Variants in TMEM214 observed in about 807,000 individuals in gnomAD.
The protein encoded by TMEM214 is transmembrane protein 214.
A neutral mutation model predicts 89.8 loss-of-function variants in TMEM214; 71 were observed. The ratio of observed to expected loss-of-function variants is 0.79; its 90% CI spans 0.65 to 0.96. The LOEUF (loss-of-function observed/expected upper bound fraction) is 0.96, where lower values mean the gene tolerates loss of function less well. TMEM214 is among the 40% of genes least tolerant of loss of function. The probability of loss-of-function intolerance (pLI) is 0.00; values close to 1 mark genes in which losing one functional copy is unlikely to be tolerated. For missense variants in TMEM214, 754 were observed against 843.4 expected (o/e 0.89, Z 1.31); for synonymous variants, 332 against 349.5 (o/e 0.95, Z 0.56).
Position 27,040,939 on chromosome 2 carries a change from C to A in TMEM214, c.*102C>A. 6.8e-7 allele frequency: 1 copy of A among 1,477,628 alleles called. No individual in the cohort carries two copies. The highest frequency in any genetic ancestry group is 1.3e-5 in the South Asian group (1 of 79,604). 91.5% of individuals were successfully genotyped at this position (1,477,628 alleles called of 1,614,324 possible). On this transcript the variant is annotated 3_prime_UTR_variant, in exon 17 of 17. Transcript: ENST00000238788. ...CATGGGAGTCTTTTTAACTTGGTGC[C>A]TGAGTTCTCTCCTAGGCAAGTGGCC...
Position 27,038,151 on chromosome 2 carries a change from G to A in TMEM214, c.1158G>A (p.Leu386=). The A allele has an allele frequency of 6.2e-7, 1 of 1,614,132 alleles. No individual in the cohort carries two copies. The highest frequency in any genetic ancestry group is 8.5e-7 in the Non-Finnish European group (1 of 1,180,026). ...SCPPEMKKEL[L]SSLTECLTVD... ...CCCTCTGTCGTGCTGTGCAGCTCCT[G>A]AGCAGCCTGACTGAGTGCCTGACGG... The change falls in exon 10 of 17, where the codon CTG becomes CTA. Residue 386 remains leucine, a synonymous_variant. Transcript: ENST00000238788. This position sits in a 1 kb window ranked among gnomAD's most constrained non-coding sequence, Gnocchi z 4.4.
chr2:27,035,949 T>C, intron 4 of TMEM214, 21 bp from the exon 5 acceptor site: 1 of 1,612,314 alleles, frequency 6.2e-7, no homozygotes, highest in East Asian at 2.2e-5. Context: ...TGAGTAGGTG[T>C]GAGAATGTGT....
Position 27,038,199 on chromosome 2 carries a change from C to T in TMEM214, c.1206C>T (p.Val402=). ...CLTVDPLSAS[V]WRQLYPKHLS... ...CGGTGGACCCCCTCAGTGCCAGCGTCTGGAGGCAGCTGTACCCTAAGCACC... is the reference window on the plus strand; with the variant it reads ...CGGTGGACCCCCTCAGTGCCAGCGTTTGGAGGCAGCTGTACCCTAAGCACC... The change falls in exon 10 of 17, where the codon GTC becomes GTT. Residue 402 remains valine, a synonymous_variant. Coordinates refer to ENST00000238788, the MANE Select transcript of TMEM214 (RefSeq NM_017727.5). This position sits in a 1 kb window ranked among gnomAD's most constrained non-coding sequence, Gnocchi z 4.4. The T allele has an allele frequency of 6.2e-7, 1 of 1,614,216 alleles. No homozygotes were observed. The highest frequency in any genetic ancestry group is 1.3e-5 in the African/African-American group (1 of 75,066).
Position 27,040,927 on chromosome 2 carries a change from T to G in TMEM214, c.*90T>G. 6.5e-7 allele frequency: 1 copy of G among 1,528,482 alleles called. No individual in the cohort carries two copies. Among genetic ancestry groups the G allele is most frequent in the Non-Finnish European group, 8.9e-7 (1 of 1,124,942 alleles). 94.7% of individuals were successfully genotyped at this position (1,528,482 alleles called of 1,614,324 possible). ...GTGGCAGTTCTTCATGGGAGTCTTT[T>G]TAACTTGGTGCCTGAGTTCTCTCCT... On this transcript the variant is annotated 3_prime_UTR_variant, in exon 17 of 17. Transcript: ENST00000238788.
At chr2:27,036,369 C>A in intron 5 of TMEM214, 118 bp from the exon 6 acceptor site, 2 of 892,792 alleles carry the variant, frequency 2.2e-6, no homozygotes, top group Admixed American at 1.8e-5. Context: ...CATAGTGCTC[C>A]ACTCTTGCTC....
intron 2 of TMEM214, chr2:27,034,555 A>T: frequency 2.7e-6 from 1 of 364,898 alleles, no homozygotes; most frequent in Non-Finnish European, 5.0e-6. Flanking sequence ...TCTCTGTCCT[A>T]TGGAAATACT....
chr2:27,040,238 C>T, intron 15 of TMEM214, 40 bp downstream of exon 15: 5 of 1,605,302 alleles, frequency 3.1e-6, no homozygotes, highest in Non-Finnish European at 4.2e-6. Flanking sequence ...GGCTGGTTTT[C>T]CCAGGAGCAG....
Position 27,037,153 on chromosome 2 carries a change from A to T in TMEM214, c.985A>T (p.Met329Leu). The change falls in exon 8 of 17, where the codon ATG becomes TTG. Residue 329 changes from methionine (M) to leucine (L), a missense_variant. Transcript: ENST00000238788. ...CTTCCCACTTCTGGACTTTGCCTAT[A>T]TGCCGAACAACTCCCTGACACCCAG... ...DFFPLLDFAY[M>L]PNNSLTPSLQ... 1 of 1,613,974 alleles carries T rather than the reference A, an allele frequency of 6.2e-7. No homozygotes were observed.
intron 4 of TMEM214, 77 bp from the exon 5 acceptor site, chr2:27,035,893 C>T (rs2304713): frequency 7.0e-6 from 11 of 1,582,684 alleles, no homozygotes; most frequent in Admixed American, 3.4e-5. Flanking sequence ...GGCCTGGGCT[C>T]ACCGCTGACA....
chr2:27,038,000 T>C, intron 9 of TMEM214, 146 bp from the exon 10 acceptor site: 1 of 1,580,854 alleles, frequency 6.3e-7, no homozygotes, highest in Non-Finnish European at 8.6e-7. Flanking sequence ...GAGAGCTTTC[T>C]GGAGTCTTGA....
At chr2:27,033,946 C>A in intron 1 of TMEM214, 121 bp from the exon 2 acceptor site, 1 of 1,115,086 alleles carries the variant, frequency 9.0e-7, no homozygotes, top group Non-Finnish European at 1.3e-6. Flanking sequence ...GAGGAAGGGG[C>A]TTTGAGACAG....
rs1484488974 is a variant in TMEM214 at position 27,038,924 on chromosome 2, G to C, written c.1407+109G>C. On this transcript the variant is annotated intron_variant, in intron 12 of 16. Transcript: ENST00000238788. The surrounding 1 kb of genome is among the most constrained non-coding windows in gnomAD (Gnocchi z 4.4). ...CTGCCCCACCTGTCTGGAGCCCCCC[G>C]CTGCCTCCAGGATAATGTGAAGGCT... is the stretch of plus-strand genomic sequence containing the variant. 120 of 1,416,880 alleles carry C rather than the reference G, an allele frequency of 8.5e-5. No individual in the cohort carries two copies. In the Middle Eastern group the frequency reaches 8.8e-4, roughly 10 times the overall value. 87.8% of individuals were successfully genotyped at this position (1,416,880 alleles called of 1,614,324 possible). A position where few individuals can be genotyped will look rare whatever the true frequency, so the allele number is the denominator to read the frequency against.
At chr2:27,039,910 T>A (rs571534538) in intron 14 of TMEM214, 73 bp downstream of exon 14, 25 of 1,599,726 alleles carry the variant, frequency 1.6e-5, no homozygotes, top group Non-Finnish European at 2.0e-5. Context: ...GAGGCGACAG[T>A]CAGTGGGAAG....
Position 27,037,629 on chromosome 2 carries a change from C to T in TMEM214, c.1079C>T (p.Ser360Phe), listed in dbSNP as rs1027572921. 1 of 1,614,176 alleles carries T rather than the reference C, an allele frequency of 6.2e-7. No homozygotes were observed. Among genetic ancestry groups the T allele is most frequent in the Non-Finnish European group, 8.5e-7 (1 of 1,180,020 alleles). ...KVLAFGAKPD[S>F]TLHTYFPSFL... The stretch of plus-strand genomic sequence containing the variant: ...CTGGCATTTGGAGCAAAGCCGGATT[C>T]CACCCTGCATACCTACTTCCCTTCT... Residue 360 changes from serine to phenylalanine, a missense_variant, in exon 9 of 17, where the codon TCC becomes TTC. Coordinates refer to ENST00000238788, the MANE Select transcript of TMEM214 (RefSeq NM_017727.5).
intron 14 of TMEM214, 85 bp downstream of exon 14, chr2:27,039,922 G>T (rs1667755844): frequency 2.3e-5 from 37 of 1,596,540 alleles, no homozygotes; most frequent in Non-Finnish European, 3.1e-5. Flanking sequence ...AGTGGGAAGC[G>T]CTTGTGATTC....
At chr2:27,037,986 C>T in intron 9 of TMEM214, 160 bp from the exon 10 acceptor site, 1 of 1,566,724 alleles carries the variant, frequency 6.4e-7, no homozygotes, top group Non-Finnish European at 8.7e-7. Context: ...TTTACAGCCT[C>T]TCAGAGAGCT....
In TMEM214 at chr2:27,038,991, G is replaced by T; in HGVS notation, c.1408-56G>T. ...AGGCCTGGCTTGAGGTCTGCCCTCA[G>T]AGGCAAAGACCAGCCCCTCGCTTCT... On this transcript the variant is annotated intron_variant, in intron 12 of 16. Transcript: ENST00000238788. The surrounding 1 kb of genome is among the most constrained non-coding windows in gnomAD (Gnocchi z 4.4). 6.3e-7 allele frequency: 1 copy of T among 1,582,730 alleles called. No homozygotes were observed. Among genetic ancestry groups the T allele is most frequent in the South Asian group, 1.1e-5 (1 of 90,514 alleles).
Position 27,039,144 on chromosome 2 carries a change from G to C in TMEM214, c.1505G>C (p.Arg502Pro). The change falls in exon 13 of 17, where the codon CGG (arginine) becomes CCG (proline). Residue 502 changes from arginine to proline, a missense_variant. Coordinates refer to ENST00000238788, the MANE Select transcript of TMEM214 (RefSeq NM_017727.5). Reference sequence around the variant, plus strand: ...GTAGGCTTCCTGTGCCATGACCTCCGGTCACACAGCTCCTTCCAGGGTAAG... The same window carrying C: ...GTAGGCTTCCTGTGCCATGACCTCCCGTCACACAGCTCCTTCCAGGGTAAG... ...FAVGFLCHDLRSHSSFQASLT... is the reference protein window; with the variant it reads ...FAVGFLCHDLPSHSSFQASLT... The C allele has an allele frequency of 6.2e-7, 1 of 1,613,722 alleles. No homozygotes were observed. Among genetic ancestry groups the C allele is most frequent in the South Asian group, 1.1e-5 (1 of 91,062 alleles).
rs371985684 is a variant in TMEM214 at position 27,037,648 on chromosome 2, C to A, written c.1098C>A (p.Phe366Leu). 3.8e-5 allele frequency: 62 copies of A among 1,614,090 alleles called. No homozygotes were observed. Among genetic ancestry groups the A allele is most frequent in the Non-Finnish European group, 5.0e-5 (59 of 1,180,046 alleles). Residue 366 changes from phenylalanine to leucine, a missense_variant, in exon 9 of 17, where the codon TTC becomes TTA. By Grantham distance (22) the Phe-to-Leu change is conservative (BLOSUM62 0). Coordinates refer to ENST00000238788, the MANE Select transcript of TMEM214 (RefSeq NM_017727.5). The part of the protein sequence containing the change: ...AKPDSTLHTY[F>L]PSFLSRATPS... ...CGGATTCCACCCTGCATACCTACTTCCCTTCTTTCCTGTCCAGAGCCACCC... is the reference window on the plus strand; with the variant it reads ...CGGATTCCACCCTGCATACCTACTTACCTTCTTTCCTGTCCAGAGCCACCC...
Sources: allele counts gnomAD v4.1 joint callset, GRCh38; gene constraint gnomAD v4.1.1; non-coding constraint Gnocchi (gnomAD v3.1); transcripts MANE v1.5; gene names NCBI Gene and HGNC (gene_info 2026-07-23, HGNC 2026-07-21).